Variants in ANKRD44 observed in about 807,000 individuals in gnomAD.
ANKRD44 encodes the protein ankyrin repeat domain 44.
In ANKRD44, 35 loss-of-function variants were observed where a neutral mutation model predicts 116.0. The ratio of observed to expected loss-of-function variants is 0.30; its 90% CI spans 0.23 to 0.40. The LOEUF (loss-of-function observed/expected upper bound fraction) is 0.40. Among genes scored for constraint, ANKRD44 ranks in the 10% least tolerant of loss-of-function variants. The probability of loss-of-function intolerance (pLI) is 1.00; values close to 1 mark genes in which losing one functional copy is unlikely to be tolerated. For synonymous variants in ANKRD44, 435 were observed against 461.8 expected (o/e 0.94, Z 0.74); for missense variants, 1,014 against 1,242.6 (o/e 0.82, Z 2.77).
chr2:197,177,788 A>G (rs1015101805), intron 2 of ANKRD44, among the ~76,000 whole-genome samples: 2 of 152,220 alleles, frequency 1.3e-5, no homozygotes, highest in African/African-American at 4.8e-5. Flanking sequence ...ACAAATACAC[A>G]TGATATCTGC....
At chr2:197,136,427 T>G in intron 4 of ANKRD44, 165 bp downstream of exon 4, 1 of 655,556 alleles carries the variant, frequency 1.5e-6, no homozygotes. Context: ...CAGCACTATG[T>G]CTGGCACACA....
intron 1 of ANKRD44, among the ~76,000 whole-genome samples, chr2:197,238,406 T>C (rs1173356652): frequency 2.6e-5 from 4 of 152,224 alleles, no homozygotes; most frequent in African/African-American, 9.6e-5. Flanking sequence ...CATTGCCTAG[T>C]CAACTGGCTC....
At chr2:197,176,922 T>C (rs2080378422) in intron 2 of ANKRD44, among the ~76,000 whole-genome samples, 1 of 151,070 alleles carries the variant, frequency 6.6e-6, no homozygotes, top group Non-Finnish European at 1.5e-5. Context: ...TTCAAGGGTA[T>C]AATAATAATA....
intron 1 of ANKRD44, among the ~76,000 whole-genome samples, chr2:197,278,924 T>TC (rs2083183403): frequency 6.6e-6 from 1 of 152,172 alleles, no homozygotes; most frequent in African/African-American, 2.4e-5. Flanking sequence ...CAGAGAAGAA[T>TC]CCCTCCACGT....
At chr2:197,015,622 A>T in intron 17 of ANKRD44, 2 of 549,842 alleles carry the variant, frequency 3.6e-6, no homozygotes, top group Non-Finnish European at 6.6e-6. Flanking sequence ...TGGTGGAAGA[A>T]GAGGCTATGG....
intron 4 of ANKRD44, among the ~76,000 whole-genome samples, chr2:197,129,283 G>C (rs769605034): frequency 6.6e-6 from 1 of 151,938 alleles, no homozygotes; most frequent in Non-Finnish European, 1.5e-5. Context: ...ATAGGCATGC[G>C]CCACCACGTC....
At chr2:196,991,590 T>G (rs1252437860) in intron 27 of ANKRD44, among the ~76,000 whole-genome samples, 2 of 151,450 alleles carry the variant, frequency 1.3e-5, no homozygotes, top group African/African-American at 2.4e-5. Context: ...TTTAACAAAT[T>G]TTTTTTTTGA....
At chr2:197,166,179 CCTT>C (rs943660976) in intron 2 of ANKRD44, among the ~76,000 whole-genome samples, 7 of 152,320 alleles carry the variant, frequency 4.6e-5, no homozygotes, top group Admixed American at 1.3e-4. Flanking sequence ...CTCCCTAACA[CCTT>C]CTTTACACAA....
At chr2:197,282,979 G>A (rs780531568) in intron 1 of ANKRD44, among the ~76,000 whole-genome samples, 1 of 152,152 alleles carries the variant, frequency 6.6e-6, no homozygotes, top group Non-Finnish European at 1.5e-5. Context: ...TGAACTAATG[G>A]TATTCTATAT....
At chr2:196,984,860 A>T (rs1225036481), downstream of ANKRD44, among the ~76,000 whole-genome samples, 1 of 152,240 alleles carries the variant, frequency 6.6e-6, no homozygotes, top group African/African-American at 2.4e-5. Context: ...GTAGCTTCCA[A>T]AAATGGCTCC....
intron 1 of ANKRD44, among the ~76,000 whole-genome samples, chr2:197,198,723 G>GT (rs1190202993): frequency 6.6e-6 from 1 of 152,154 alleles, no homozygotes; most frequent in Non-Finnish European, 1.5e-5. Context: ...AGCCCGGGAG[G>GT]TGGAGGTTGC....
At chr2:197,113,608 C>A (rs2078640284) in intron 8 of ANKRD44, among the ~76,000 whole-genome samples, 1 of 152,200 alleles carries the variant, frequency 6.6e-6, no homozygotes, top group African/African-American at 2.4e-5. Flanking sequence ...TGGTAGCTAT[C>A]TAAGTTGCAG....
Position 197,154,245 on chromosome 2 carries a change from T to C in ANKRD44, c.112-7140A>G, listed in dbSNP as rs371302403. Among the ~76,000 whole-genome samples, 4 of 147,284 alleles carry C rather than the reference T, an allele frequency of 2.7e-5. No individual in the cohort carries two copies. The South Asian group carries it at 6.6e-4, about 24-fold the overall frequency. ...CCCAGGCTGGAGTGCAGTGGCGCGA[T>C]CTCGGCTCACTGCAAGCTCCGCCTC... On this transcript the variant is annotated intron_variant, in intron 2 of 27. Transcript: ENST00000282272.
chr2:197,257,657 T>C (rs1432064376), intron 1 of ANKRD44, among the ~76,000 whole-genome samples: 1 of 152,194 alleles, frequency 6.6e-6, no homozygotes, highest in Non-Finnish European at 1.5e-5. Context: ...GATGTACTTA[T>C]TTCACATTGC....
At chr2:197,041,673 C>T (rs1379586871) in intron 16 of ANKRD44, among the ~76,000 whole-genome samples, 1 of 152,120 alleles carries the variant, frequency 6.6e-6, no homozygotes, top group African/African-American at 2.4e-5. Context: ...CTCCTTCCTG[C>T]TTAGAATTTT....
chr2:197,045,080 G>A (rs2076977917), intron 16 of ANKRD44, among the ~76,000 whole-genome samples: 1 of 140,308 alleles, frequency 7.1e-6, no homozygotes, highest in African/African-American at 2.5e-5. Flanking sequence ...CCATAAGCTG[G>A]ATTTCTTTCT....
At position 196,989,099 on chromosome 2, in the gene ANKRD44, G is replaced by A. The variant is rs748644814; in HGVS notation, c.*492C>T. ...TGGAAATGCTAGGTTTGGCCCTTGG[G>A]CTTTTGGCTAGCCCAGGGTCAAGTG... is the stretch of plus-strand genomic sequence containing the variant. On this transcript the variant is annotated 3_prime_UTR_variant, in exon 28 of 28. Coordinates refer to ENST00000282272, the MANE Select transcript of ANKRD44 (RefSeq NM_001195144.2). 5.1e-6 allele frequency: 5 copies of A among 985,126 alleles called. No individual in the cohort carries two copies. The highest frequency in any genetic ancestry group is 6.0e-6 in the Non-Finnish European group (5 of 829,952). 61.0% of individuals were successfully genotyped at this position (985,126 alleles called of 1,614,324 possible).
intron 4 of ANKRD44, among the ~76,000 whole-genome samples, chr2:197,132,857 G>A (rs1254654267): frequency 6.6e-6 from 1 of 152,010 alleles, no homozygotes; most frequent in East Asian, 1.9e-4. Context: ...GCAAGCAATA[G>A]GCATGGCATA....
chr2:197,175,303 C>T (rs1486568730), intron 2 of ANKRD44, among the ~76,000 whole-genome samples: 1 of 152,200 alleles, frequency 6.6e-6, no homozygotes, highest in Non-Finnish European at 1.5e-5. Context: ...ATCTGTCCAT[C>T]TTTGCTTCCC....
Sources: allele counts gnomAD v4.1 joint callset (sites outside exome capture counted in the v4.1 genomes callset), GRCh38; gene constraint gnomAD v4.1.1; transcripts MANE v1.5; gene names NCBI Gene and HGNC (gene_info 2026-07-23, HGNC 2026-07-21).